ENTPD4: variants seen among roughly 807,000 people sequenced by gnomAD.
ENTPD4 encodes the protein ectonucleoside triphosphate diphosphohydrolase 4.
Under a neutral mutation model 79.1 loss-of-function variants are expected in ENTPD4, and 60 were observed. That is an observed-to-expected ratio of 0.76 (90% CI 0.62 to 0.94). The LOEUF (loss-of-function observed/expected upper bound fraction) is 0.94. Among genes scored for constraint, ENTPD4 ranks in the 40% least tolerant of loss-of-function variants. The pLI, the probability that ENTPD4 is intolerant of heterozygous loss-of-function variation, is 0.00. For missense variants in ENTPD4, 772 were observed against 775.1 expected, an observed-to-expected ratio of 1.00 and a Z score of 0.05; for synonymous variants, 276 against 292.0, an observed-to-expected ratio of 0.95 and a Z score of 0.56.
At chr8:23,439,584 T>C (rs906800137) in intron 9 of ENTPD4, among the ~76,000 whole-genome samples, 165 bp downstream of exon 9, 1 of 152,214 alleles carries the variant, frequency 6.6e-6, no homozygotes, top group African/African-American at 2.4e-5. Context: ...GGCAGGACCC[T>C]GGTGTGCTTT....
intron 10 of ENTPD4, 149 bp downstream of exon 10, chr8:23,436,785 C>A (rs1343429716): frequency 1.4e-6 from 1 of 690,740 alleles, no homozygotes; most frequent in Non-Finnish European, 2.4e-6. Context: ...CAACCTCCCT[C>A]CAAGCAAAGG....
chr8:23,437,662 C>A lies in ENTPD4; in HGVS notation c.1050-404G>T, dbSNP rs1800593302. On this transcript the variant is annotated intron_variant, in intron 9 of 12. Transcript: ENST00000358689. ...TGACAAGATCCGGTCCTGGGCAAAG[C>A]AGGTTAGATGCTTTAGAAAAGTTAC... Among the ~76,000 whole-genome samples the A allele has an allele frequency of 2.6e-5, 4 of 152,296 alleles. No individual in the cohort carries two copies. The South Asian group carries it at 8.3e-4, about 32-fold the overall frequency.
At position 23,433,040 on chromosome 8, in the gene ENTPD4, C is replaced by T. The variant is rs2117272710; in HGVS notation, c.1737G>A (p.Leu579=). The stretch of plus-strand genomic sequence containing the variant: ...TGCGCCGCAGCCGCAGCAGGTACAG[C>T]AGGATGGCCAGCAGCACCACCAGGA... ...GCFLVVLLAI[L]LYLLRLRRIH... The change falls in exon 13 of 13, where the codon CTG becomes CTA. Residue 579 remains leucine, a synonymous_variant. Coordinates refer to ENST00000358689, the MANE Select transcript of ENTPD4 (RefSeq NM_004901.5). 6.2e-7 allele frequency: 1 copy of T among 1,614,130 alleles called. No individual in the cohort carries two copies. Among genetic ancestry groups the T allele is most frequent in the Middle Eastern group, 1.6e-4 (1 of 6,062 alleles).
chr8:23,440,179 T>C, intron 8 of ENTPD4: 1 of 358,456 alleles, frequency 2.8e-6, no homozygotes, highest in Non-Finnish European at 5.1e-6. Context: ...CATAATTTAT[T>C]TCTGGAATCC....
chr8:23,456,191 T>A (rs1563230428), intron 1 of ENTPD4, among the ~76,000 whole-genome samples: 1 of 152,190 alleles, frequency 6.6e-6, no homozygotes, highest in Non-Finnish European at 1.5e-5. Flanking sequence ...TATCCTCTCA[T>A]CAGTCCCAGA....
At chr8:23,436,868 T>C in intron 10 of ENTPD4, 66 bp downstream of exon 10, 1 of 1,250,164 alleles carries the variant, frequency 8.0e-7, no homozygotes, top group African/African-American at 1.5e-5. Flanking sequence ...AAGGAGGACA[T>C]AACCCGTCAC....
chr8:23,437,055 T>C lies in ENTPD4; in HGVS notation c.1253A>G (p.Gln418Arg). ...ETQTSLNGVY[Q>R]PPIHFQNSEF... ...ACTGTTCTGGAAGTGAATTGGGGGC[T>C]GGTAGACCCCATTGAGGGAAGTCTG... Residue 418 changes from glutamine (Q) to arginine (R), a missense_variant, in exon 10 of 13, where the codon CAG becomes CGG. Gln to Arg is a conservative substitution (Grantham distance 43). Transcript: ENST00000358689. 6.2e-7 allele frequency: 1 copy of C among 1,614,218 alleles called. No individual in the cohort carries two copies. Among genetic ancestry groups the C allele is most frequent in the Non-Finnish European group, 8.5e-7 (1 of 1,180,010 alleles).
At chr8:23,457,536 A>G (rs1284652747) in intron 1 of ENTPD4, 21 bp downstream of exon 1, 1 of 151,470 alleles carries the variant, frequency 6.6e-6, no homozygotes, top group Admixed American at 6.6e-5. Context: ...CCCCTCACCC[A>G]CGCTCGGAAG....
At position 23,430,771 on chromosome 8, in the gene ENTPD4, C is replaced by G; in HGVS notation, c.*2155G>C. On this transcript the variant is annotated 3_prime_UTR_variant, in exon 13 of 13. Transcript: ENST00000358689. The stretch of plus-strand genomic sequence containing the variant: ...CCTGCCCACTTCAACCATTTGTGGC[C>G]CCTTCCTTTCCTTTCTTCCCTCTCT... 1 of 985,618 alleles carries G rather than the reference C, an allele frequency of 1.0e-6. No homozygotes were observed. Among genetic ancestry groups the G allele is most frequent in the African/African-American group, 1.7e-5 (1 of 57,326 alleles). 61.1% of individuals were successfully genotyped at this position (985,618 alleles called of 1,614,324 possible).
At position 23,448,879 on chromosome 8, in the gene ENTPD4, A is replaced by G. The variant is rs149064930; in HGVS notation, c.69T>C (p.Cys23=). The part of the protein sequence containing the change: ...SWHFSISPVG[C]PRILNTNLRQ... ...GTAAATTGGTATTCAGAATTCGAGG[A>G]CACCCTACTGGAGATATGCTAAAAT... Residue 23 remains cysteine, a synonymous_variant, in exon 3 of 13, where the codon TGT becomes TGC. Transcript: ENST00000358689. The G allele has an allele frequency of 3.1e-4, 493 of 1,614,140 alleles. No individual in the cohort carries two copies. The highest frequency in any genetic ancestry group is 6.6e-4 in the Middle Eastern group (4 of 6,062).
intron 6 of ENTPD4, 116 bp downstream of exon 6, chr8:23,443,734 C>T (rs1220072588): frequency 5.1e-6 from 3 of 586,452 alleles, no homozygotes; most frequent in Admixed American, 3.3e-5. Context: ...TATTTCAAGG[C>T]TATTATTTCC....
At chr8:23,441,424 C>T in intron 8 of ENTPD4, 145 bp downstream of exon 8, 1 of 1,468,144 alleles carries the variant, frequency 6.8e-7, no homozygotes, top group South Asian at 1.5e-5. Context: ...CCTTGTTCGT[C>T]CTGTCTCCTT....
At chr8:23,439,966 C>G in intron 8 of ENTPD4, 51 bp from the exon 9 acceptor site, 1 of 1,522,918 alleles carries the variant, frequency 6.6e-7, no homozygotes. Flanking sequence ...CTTTAGCCTC[C>G]TACTAAAAAG....
rs139756981 is a variant in ENTPD4, at chr8:23,437,066, A to G, written c.1242T>C (p.Asn414=). The part of the protein sequence containing the change: ...NKTNETQTSL[N]GVYQPPIHFQ... ...AGTGAATTGGGGGCTGGTAGACCCC[A>G]TTGAGGGAAGTCTGGGTCTCGTTTG... Residue 414 remains asparagine, a synonymous_variant, in exon 10 of 13, where the codon AAT becomes AAC. Coordinates refer to ENST00000358689, the MANE Select transcript of ENTPD4 (RefSeq NM_004901.5). The G allele has an allele frequency of 1.8e-5, 29 of 1,614,130 alleles. No homozygotes were observed. The African/African-American group carries it at 2.5e-4, about 14-fold the overall frequency.
chr8:23,437,366 T>A, intron 9 of ENTPD4, 108 bp from the exon 10 acceptor site: 1 of 744,392 alleles, frequency 1.3e-6, no homozygotes, highest in South Asian at 1.9e-5. Context: ...ACATGAGACC[T>A]GCAGGACCGT....
chr8:23,439,248 G>C (rs767611416), intron 9 of ENTPD4, among the ~76,000 whole-genome samples: 3 of 152,152 alleles, frequency 2.0e-5, no homozygotes, highest in Non-Finnish European at 4.4e-5. Context: ...GACTCTTCTA[G>C]ATAATTTATT....
chr8:23,455,473 C>T (rs1309748296), intron 1 of ENTPD4, among the ~76,000 whole-genome samples: 1 of 151,132 alleles, frequency 6.6e-6, no homozygotes, highest in African/African-American at 2.4e-5. Context: ...GGCACCGTTA[C>T]TCAGTAGTGA....
At chr8:23,451,489 C>T (rs373740950) in intron 1 of ENTPD4, among the ~76,000 whole-genome samples, 2 of 152,272 alleles carry the variant, frequency 1.3e-5, no homozygotes, top group South Asian at 2.1e-4. Context: ...GCCTTTATCA[C>T]CCTCGGGCAA....
chr8:23,456,087 A>G (rs933149942), intron 1 of ENTPD4, among the ~76,000 whole-genome samples: 7 of 152,236 alleles, frequency 4.6e-5, no homozygotes, highest in Non-Finnish European at 8.8e-5. Flanking sequence ...TGATCAGCTA[A>G]GAACCTTCTG....
Sources: allele counts gnomAD v4.1 joint callset (sites outside exome capture counted in the v4.1 genomes callset), GRCh38; gene constraint gnomAD v4.1.1; transcripts MANE v1.5; gene names NCBI Gene and HGNC (gene_info 2026-07-23, HGNC 2026-07-21).